Variants in CNNM2 observed in about 807,000 individuals in gnomAD.
CNNM2 encodes cyclin and CBS domain divalent metal cation transport mediator 2.
CNNM2 carries 12 observed loss-of-function variants against 66.9 expected under a neutral mutation model. The ratio of observed to expected loss-of-function variants is 0.18; its 90% CI spans 0.11 to 0.29. The LOEUF (loss-of-function observed/expected upper bound fraction) is 0.29. CNNM2 is among the 10% of genes least tolerant of loss of function. The pLI, the probability that CNNM2 is intolerant of heterozygous loss-of-function variation, is 1.00. For synonymous variants in CNNM2, 557 were observed against 501.8 expected (o/e 1.11, Z -1.47); for missense variants, 705 against 1,167.7 (o/e 0.60, Z 5.77).
chr10:103,060,356 G>A (rs1307036174), intron 4 of CNNM2, among the ~76,000 whole-genome samples: 1 of 152,134 alleles, frequency 6.6e-6, no homozygotes, highest in Non-Finnish European at 1.5e-5. Context: ...GAGTCCAGGA[G>A]TTCAAGACCA....
intron 1 of CNNM2, among the ~76,000 whole-genome samples, chr10:102,940,051 T>G (rs1261411498): frequency 6.6e-6 from 1 of 152,182 alleles, no homozygotes; most frequent in Non-Finnish European, 1.5e-5. Context: ...TAGACAGATT[T>G]CCTGCTCTCA....
intron 1 of CNNM2, among the ~76,000 whole-genome samples, chr10:102,999,943 T>C (rs1387323842): frequency 2.6e-5 from 4 of 152,128 alleles, no homozygotes; most frequent in African/African-American, 9.7e-5. Flanking sequence ...AGTGGTAGTT[T>C]AAAATGGAAT....
chr10:103,072,541 C>T (rs1360098787), intron 6 of CNNM2, among the ~76,000 whole-genome samples: 2 of 152,214 alleles, frequency 1.3e-5, no homozygotes, highest in Non-Finnish European at 2.9e-5. Context: ...CCCCGCTTCT[C>T]CCTGCCACCT....
intron 1 of CNNM2, among the ~76,000 whole-genome samples, chr10:103,024,023 G>A (rs1194862019): frequency 1.3e-5 from 2 of 151,986 alleles, no homozygotes; most frequent in Non-Finnish European, 1.5e-5. Context: ...AAGAAAATTA[G>A]GGTACCCTAA....
At chr10:103,015,366 A>G (rs890466043) in intron 1 of CNNM2, among the ~76,000 whole-genome samples, 8 of 152,194 alleles carry the variant, frequency 5.3e-5, no homozygotes, top group Non-Finnish European at 1.2e-4. Flanking sequence ...CTCTAGAGGG[A>G]ATGGAATTCT....
intron 1 of CNNM2, among the ~76,000 whole-genome samples, chr10:102,985,177 T>G (rs928978823): frequency 2.1e-4 from 32 of 152,106 alleles, no homozygotes; most frequent in Admixed American, 1.6e-3. Flanking sequence ...ACCTTGAGAA[T>G]TCTAAATTGC....
At chr10:102,969,570 TA>T (rs2063518895) in intron 1 of CNNM2, among the ~76,000 whole-genome samples, 1 of 152,190 alleles carries the variant, frequency 6.6e-6, no homozygotes. Flanking sequence ...GGCAGTCTTT[TA>T]ATATTGTAAA....
At chr10:103,015,068 CAT>C (rs746549306) in intron 1 of CNNM2, among the ~76,000 whole-genome samples, 34 of 152,130 alleles carry the variant, frequency 2.2e-4, no homozygotes, top group Non-Finnish European at 4.6e-4. Context: ...AAAACCAGAA[CAT>C]ATACTCATGA....
intron 1 of CNNM2, among the ~76,000 whole-genome samples, chr10:102,965,062 A>G (rs2063440654): frequency 6.6e-6 from 1 of 152,080 alleles, no homozygotes; most frequent in Admixed American, 6.6e-5. Context: ...CTCACCAGAC[A>G]CTCAGCCTGC....
At chr10:102,975,481 A>AAC (rs2063614253) in intron 1 of CNNM2, among the ~76,000 whole-genome samples, 1 of 151,090 alleles carries the variant, frequency 6.6e-6, no homozygotes, top group Admixed American at 6.6e-5. Context: ...AAAAAAAAAA[A>AAC]AAAAAAACAA....
At chr10:102,974,578 A>AT (rs895812130) in intron 1 of CNNM2, among the ~76,000 whole-genome samples, 1,523 of 148,256 alleles carry the variant, frequency 0.01, 12 homozygotes, top group African/African-American at 0.017. Flanking sequence ...AATCCTATTT[A>AT]TTTTTTTTTT....
At position 102,929,600 on chromosome 10, in the gene CNNM2, C is replaced by T. The variant is rs868565286; in HGVS notation, c.1621+9499C>T. Among the ~76,000 whole-genome samples, 5 of 152,106 alleles carry T rather than the reference C, an allele frequency of 3.3e-5. No individual in the cohort carries two copies. Among genetic ancestry groups the T allele is most frequent in the Admixed American group, 6.5e-5 (1 of 15,268 alleles). ...AAAACAGAACAATTTATTATAGGTTCTACTTTCCTTAGAGTAAGAATACTG... is the reference window on the plus strand; with the variant it reads ...AAAACAGAACAATTTATTATAGGTTTTACTTTCCTTAGAGTAAGAATACTG... On this transcript the variant is annotated intron_variant, in intron 1 of 7. Transcript: ENST00000369878.
In CNNM2 at chr10:103,040,671, G is replaced by A. The variant is rs554690551; in HGVS notation, c.1622-9036G>A. ...CTGATGGCCTAATCAGGGAGACCAT[G>A]TTGTAGCACACTGAGCTACAGGTGT... is the stretch of plus-strand genomic sequence containing the variant. On this transcript the variant is annotated intron_variant, in intron 1 of 7. Transcript: ENST00000369878. Among the ~76,000 whole-genome samples, 119 of 151,918 alleles carry A rather than the reference G, an allele frequency of 7.8e-4. 1 individual carries two copies. The highest frequency in any genetic ancestry group is 6.8e-3 in the Middle Eastern group (2 of 294).
chr10:103,056,292 C>G (rs1396720387), intron 3 of CNNM2, among the ~76,000 whole-genome samples: 4 of 151,764 alleles, frequency 2.6e-5, no homozygotes, highest in Non-Finnish European at 4.4e-5. Context: ...GATGTGTGCA[C>G]ATGCCCTGCT....
intron 1 of CNNM2, among the ~76,000 whole-genome samples, chr10:102,949,915 G>T (rs530133190): frequency 6.6e-6 from 1 of 152,164 alleles, no homozygotes; most frequent in Non-Finnish European, 1.5e-5. Context: ...TAAAGTCACA[G>T]TTTACCAATC....
chr10:103,054,197 C>T lies in CNNM2; in HGVS notation c.1766-132C>T. On this transcript the variant is annotated intron_variant, in intron 2 of 7. Coordinates refer to ENST00000369878, the MANE Select transcript of CNNM2 (RefSeq NM_017649.5). This position sits in a 1 kb window ranked among gnomAD's most constrained non-coding sequence, Gnocchi z 5.2. ...CTCCCTCCCTCCTTCCCCGTGGCAT[C>T]TGTGCATAGAGCGCCTGCATCTGGA... The T allele has an allele frequency of 2.0e-6, 2 of 983,546 alleles. No homozygotes were observed. Among genetic ancestry groups the T allele is most frequent in the South Asian group, 3.5e-5 (2 of 57,792 alleles). The allele number at this position is 983,546 out of a possible 1,614,324, so 60.9% of individuals were successfully genotyped here. A position where few individuals can be genotyped will look rare whatever the true frequency, so the allele number is the denominator to read the frequency against.
intron 1 of CNNM2, among the ~76,000 whole-genome samples, chr10:102,971,466 AC>A (rs2063546158): frequency 6.6e-6 from 1 of 151,974 alleles, no homozygotes; most frequent in African/African-American, 2.4e-5. Context: ...GAAGTCACTT[AC>A]CCCCTCATTC....
intron 1 of CNNM2, among the ~76,000 whole-genome samples, chr10:102,975,242 A>G (rs980466486): frequency 7.2e-5 from 11 of 152,254 alleles, no homozygotes; most frequent in Non-Finnish European, 1.6e-4. Flanking sequence ...ACTTTTCCTC[A>G]TTATAAATGG....
intron 1 of CNNM2, among the ~76,000 whole-genome samples, chr10:102,983,921 C>A (rs866080203): frequency 6.6e-6 from 1 of 151,922 alleles, no homozygotes; most frequent in Non-Finnish European, 1.5e-5. Context: ...CCCGCCACCA[C>A]GCCTGGCTAA....
Sources: gnomAD v4.1 joint callset for allele counts (sites outside exome capture counted in the v4.1 genomes callset) on GRCh38, gnomAD v4.1.1 for gene constraint, Gnocchi (gnomAD v3.1) non-coding constraint, MANE v1.5 for transcripts, NCBI Gene and HGNC (gene_info 2026-07-23, HGNC 2026-07-21) for gene names.